The following SLIT3 variants were observed in gnomAD, a reference collection of about 807,000 sequenced individuals.
SLIT3 encodes slit homolog 3 protein.
SLIT3 carries 68 observed loss-of-function variants against 184.0 expected under a neutral mutation model. That is an observed-to-expected ratio of 0.37 (90% CI 0.30 to 0.45). SLIT3 has a LOEUF of 0.45. Ranked by LOEUF, SLIT3 falls within the 20% of genes least tolerant of loss-of-function variation. The pLI is 1.00. For synonymous variants in SLIT3, 831 were observed against 828.6 expected (o/e 1.00, Z -0.05); for missense variants, 1,707 against 2,026.0 (o/e 0.84, Z 3.02).
At chr5:169,192,433 G>GTA (rs1554105928) in intron 4 of SLIT3, among the ~76,000 whole-genome samples, 2 of 151,638 alleles carry the variant, frequency 1.3e-5, no homozygotes, top group African/African-American at 4.8e-5. Context: ...CTGTGTGTGT[G>GTA]TGTGTGTGTG....
At position 169,085,700 on chromosome 5, in the gene SLIT3, G is replaced by A. The variant is rs116441954; in HGVS notation, c.413+107779C>T. Reference sequence around the variant, plus strand: ...CCCCAGCTCAGCAAGACAAATCGTCGTCTTAAAGGGACCAGCCAGAGACAT... The same window carrying A: ...CCCCAGCTCAGCAAGACAAATCGTCATCTTAAAGGGACCAGCCAGAGACAT... On this transcript the variant is annotated intron_variant, in intron 4 of 35. Coordinates refer to ENST00000519560, the MANE Select transcript of SLIT3 (RefSeq NM_003062.4). 7.6e-3 allele frequency among the ~76,000 whole-genome samples: 1,164 copies of A among 152,284 alleles called. 11 individuals carry two copies. The highest frequency in any genetic ancestry group is 0.021 in the South Asian group (103 of 4,824).
intron 8 of SLIT3, among the ~76,000 whole-genome samples, chr5:168,808,328 GGA>G (rs1220427275): frequency 6.6e-6 from 1 of 152,016 alleles, no homozygotes; most frequent in African/African-American, 2.4e-5. Flanking sequence ...CTCAGGAATG[GGA>G]GAGTGTTGGG....
intron 4 of SLIT3, among the ~76,000 whole-genome samples, chr5:168,907,896 A>T (rs1761108524): frequency 1.0e-5 from 1 of 100,224 alleles, no homozygotes; most frequent in African/African-American, 3.4e-5. Flanking sequence ...GATATATATC[A>T]TATATATATA....
chr5:168,740,355 T>C (rs554286791), intron 20 of SLIT3, among the ~76,000 whole-genome samples: 148 of 152,348 alleles, frequency 9.7e-4, no homozygotes, highest in African/African-American at 3.2e-3. Flanking sequence ...CCTGCTCAGA[T>C]GGCATTGCTG....
chr5:169,184,883 A>G (rs1326820699), intron 4 of SLIT3, among the ~76,000 whole-genome samples: 1 of 152,244 alleles, frequency 6.6e-6, no homozygotes, highest in Non-Finnish European at 1.5e-5. Context: ...TCAGATACAT[A>G]CTAAAGTTTG....
At chr5:169,226,974 G>A (rs6893727) in intron 3 of SLIT3, among the ~76,000 whole-genome samples, 4,237 of 152,178 alleles carry the variant, frequency 0.028, 209 homozygotes, top group African/African-American at 0.097. Context: ...CACACCCCTC[G>A]GCCCTGCCTC....
intron 4 of SLIT3, among the ~76,000 whole-genome samples, chr5:169,165,506 T>C (rs1197213280): frequency 6.6e-6 from 1 of 152,252 alleles, no homozygotes; most frequent in Non-Finnish European, 1.5e-5. Flanking sequence ...CTATTCTAAG[T>C]GCGTTACATT....
At chr5:168,991,819 A>G (rs12189509) in intron 4 of SLIT3, among the ~76,000 whole-genome samples, 6,285 of 151,968 alleles carry the variant, frequency 0.041, 167 homozygotes, top group Non-Finnish European at 0.057. Flanking sequence ...CAGACTCCAC[A>G]TTCGCCTCTA....
intron 4 of SLIT3, among the ~76,000 whole-genome samples, chr5:168,910,736 ACT>A (rs1177976047): frequency 9.2e-5 from 13 of 141,998 alleles, no homozygotes; most frequent in Admixed American, 7.2e-4. Context: ...ACAGAGTGAG[ACT>A]CTGTCTCAAA....
chr5:168,694,808 G>T (rs1179879332), intron 28 of SLIT3, among the ~76,000 whole-genome samples: 1 of 152,118 alleles, frequency 6.6e-6, no homozygotes, highest in African/African-American at 2.4e-5. Flanking sequence ...TAGTAGAGCT[G>T]GGGTTTTGCC....
chr5:169,062,706 A>G (rs1022320378), intron 4 of SLIT3, among the ~76,000 whole-genome samples: 12 of 152,206 alleles, frequency 7.9e-5, no homozygotes, highest in African/African-American at 2.9e-4. Context: ...AAAACAGTGT[A>G]AATTCCATAA....
intron 4 of SLIT3, among the ~76,000 whole-genome samples, chr5:169,128,271 TATTTATATATATATATATA>T (rs1761157376): frequency 6.8e-6 from 1 of 147,918 alleles, no homozygotes; most frequent in South Asian, 2.1e-4. Flanking sequence ...TACATATATA[TATTTATATATATATATATA>T]ATTTATATGT....
intron 4 of SLIT3, among the ~76,000 whole-genome samples, chr5:168,917,431 G>C (rs919427519): frequency 6.6e-6 from 1 of 152,186 alleles, no homozygotes; most frequent in African/African-American, 2.4e-5. Flanking sequence ...GGAAAGAACT[G>C]GTCCCCTGAC....
At chr5:169,153,574 G>T (rs1448915809) in intron 4 of SLIT3, among the ~76,000 whole-genome samples, 5 of 152,306 alleles carry the variant, frequency 3.3e-5, no homozygotes, top group Middle Eastern at 3.4e-3. Flanking sequence ...TCTTAAATAT[G>T]CAGGCCTGCG....
At chr5:169,078,377 A>G (rs1411941905) in intron 4 of SLIT3, among the ~76,000 whole-genome samples, 1 of 152,028 alleles carries the variant, frequency 6.6e-6, no homozygotes, top group South Asian at 2.1e-4. Flanking sequence ...TGCCTTCACA[A>G]ATATATTTCT....
intron 4 of SLIT3, among the ~76,000 whole-genome samples, chr5:168,943,123 C>T (rs1279148942): frequency 6.6e-6 from 1 of 152,068 alleles, no homozygotes; most frequent in Non-Finnish European, 1.5e-5. Flanking sequence ...CACCAATATC[C>T]ATGTCCCAGG....
At position 168,711,064 on chromosome 5, in the gene SLIT3, A is replaced by T. The variant is rs757264111; in HGVS notation, c.2556-6T>A. 4 of 1,563,666 alleles carry T rather than the reference A, an allele frequency of 2.6e-6. No individual in the cohort carries two copies. The highest frequency in any genetic ancestry group is 3.5e-6 in the Non-Finnish European group (4 of 1,151,192). ...GTGGGTTGGTTCCCAGCGCCCTAGG[A>T]GGCAGAACAGGAAGTCAGGGCCCCC... On this transcript the variant is annotated splice_polypyrimidine_tract_variant and splice_region_variant and intron_variant, in intron 24 of 35. Transcript: ENST00000519560.
chr5:168,987,843 T>A (rs1755188868), intron 4 of SLIT3, among the ~76,000 whole-genome samples: 1 of 152,240 alleles, frequency 6.6e-6, no homozygotes, highest in South Asian at 2.1e-4. Flanking sequence ...ATAGATGACT[T>A]CTTTTTCGGT....
At chr5:168,786,924 C>T (rs1323764413) in intron 11 of SLIT3, among the ~76,000 whole-genome samples, 1 of 152,188 alleles carries the variant, frequency 6.6e-6, no homozygotes, top group Non-Finnish European at 1.5e-5. Flanking sequence ...TAAGTCCTCT[C>T]CAGAGCCCTG....
Sources: allele counts gnomAD v4.1 joint callset (sites outside exome capture counted in the v4.1 genomes callset), GRCh38; gene constraint gnomAD v4.1.1; transcripts MANE v1.5; gene names NCBI Gene and HGNC (gene_info 2026-07-23, HGNC 2026-07-21).